Variants in RGS8 observed in about 807,000 individuals in gnomAD.
The protein encoded by RGS8 is regulator of G-protein signaling 8.
In RGS8, 8 loss-of-function variants were observed where a neutral mutation model predicts 21.7. The ratio of observed to expected loss-of-function variants is 0.37; its 90% confidence interval spans 0.22 to 0.66. The LOEUF is 0.66. Ranked by LOEUF, RGS8 falls within the 30% of genes least tolerant of loss-of-function variation. The pLI is 0.59. For synonymous variants in RGS8, 80 were observed against 83.6 expected, an observed-to-expected ratio of 0.96 and a Z score of 0.24; for missense variants, 157 against 217.9, an observed-to-expected ratio of 0.72 and a Z score of 1.76.
At chr1:182,724,223 T>G in the RGS8 span, among the ~76,000 whole-genome samples, 7 of 109,984 alleles carry the variant, frequency 6.4e-5, no homozygotes, top group African/African-American at 2.3e-4. Flanking sequence ...TATATATATA[T>G]ATATATATAT....
chr1:182,724,201 G>GATATATATATAT, the RGS8 span, among the ~76,000 whole-genome samples: 44 of 42,100 alleles, frequency 1.0e-3, no homozygotes, highest in Non-Finnish European at 1.6e-3. Flanking sequence ...GGCTAGACTG[G>GATATATATATAT]ATATATATAT....
the RGS8 span, among the ~76,000 whole-genome samples, chr1:182,696,673 T>G: frequency 7.9e-5 from 12 of 152,350 alleles, no homozygotes; most frequent in African/African-American, 2.9e-4. Flanking sequence ...AAACCTTGGA[T>G]CTGGTGCCCT....
intron 5 of RGS8, among the ~76,000 whole-genome samples, chr1:182,664,701 T>C (rs1663769065): frequency 6.6e-6 from 1 of 152,260 alleles, no homozygotes; most frequent in South Asian, 2.1e-4. Context: ...TGTAGCCATA[T>C]GTTACATATG....
the RGS8 span, among the ~76,000 whole-genome samples, chr1:182,708,150 C>A: frequency 3.9e-5 from 6 of 152,150 alleles, no homozygotes; most frequent in Admixed American, 6.5e-5. Flanking sequence ...CAGCCAAGGA[C>A]GTCTGACCCC....
At chr1:182,659,700 C>T (rs1031486627) in intron 5 of RGS8, among the ~76,000 whole-genome samples, 13 of 152,012 alleles carry the variant, frequency 8.6e-5, no homozygotes, top group Admixed American at 4.6e-4. Flanking sequence ...CTCCGTACCC[C>T]GCCCCCTGGA....
the RGS8 span, among the ~76,000 whole-genome samples, chr1:182,694,508 A>T: frequency 6.6e-6 from 1 of 152,188 alleles, no homozygotes; most frequent in African/African-American, 2.4e-5. Context: ...TAAGAACATT[A>T]AAAAATGCTT....
At chr1:182,723,458 A>G in the RGS8 span, among the ~76,000 whole-genome samples, 1 of 152,232 alleles carries the variant, frequency 6.6e-6, no homozygotes, top group Non-Finnish European at 1.5e-5. Flanking sequence ...TCTCTATGAC[A>G]CAGAAGCTGG....
downstream of RGS8, chr1:182,645,314 C>G (rs1557879084): frequency 1.3e-5 from 2 of 152,254 alleles, no homozygotes; most frequent in African/African-American, 4.8e-5. Flanking sequence ...TAACTCCACT[C>G]TGTTATCCTC....
intron 5 of RGS8, among the ~76,000 whole-genome samples, chr1:182,654,040 AC>A (rs1663148046): frequency 6.6e-6 from 1 of 152,184 alleles, no homozygotes; most frequent in Non-Finnish European, 1.5e-5. Context: ...TTTGCTCAGG[AC>A]TTTACAAAAC....
the RGS8 span, among the ~76,000 whole-genome samples, chr1:182,708,480 T>C: frequency 6.6e-6 from 1 of 152,202 alleles, no homozygotes; most frequent in African/African-American, 2.4e-5. Flanking sequence ...ACCCCTGAGA[T>C]GATATAATGG....
At chr1:182,708,517 A>G in the RGS8 span, among the ~76,000 whole-genome samples, 25 of 152,230 alleles carry the variant, frequency 1.6e-4, no homozygotes, top group East Asian at 9.6e-4. Context: ...GAAGCCATCA[A>G]TGGACTGATA....
chr1:182,680,210 C>A (rs1378763220), intron 1 of RGS8, among the ~76,000 whole-genome samples: 1 of 152,082 alleles, frequency 6.6e-6, no homozygotes, highest in Non-Finnish European at 1.5e-5. Context: ...TTAAGCCCTC[C>A]TACTCTAGGG....
chr1:182,673,011 G>A, upstream of RGS8: 1 of 683,072 alleles, frequency 1.5e-6, no homozygotes, highest in South Asian at 1.7e-5. Context: ...ACAGTAATCA[G>A]CCTTCCAGGT....
At chr1:182,642,139 G>A (rs1662494037), downstream of RGS8, 1 of 152,266 alleles carries the variant, frequency 6.6e-6, no homozygotes, top group South Asian at 2.1e-4. Context: ...GAAGGCCAGT[G>A]GCCCCATCCT....
chr1:182,725,327 C>T, the RGS8 span, among the ~76,000 whole-genome samples: 9 of 152,152 alleles, frequency 5.9e-5, no homozygotes, highest in Non-Finnish European at 1.3e-4. Context: ...TTAAAACAGA[C>T]CCCTAAATAT....
intron 5 of RGS8, among the ~76,000 whole-genome samples, chr1:182,649,405 C>T (rs554445950): frequency 1.2e-4 from 19 of 152,200 alleles, no homozygotes; most frequent in South Asian, 2.1e-4. Context: ...GTTACCTGGA[C>T]GGGGTTGCAA....
chr1:182,717,332 G>C, the RGS8 span, among the ~76,000 whole-genome samples: 1 of 152,186 alleles, frequency 6.6e-6, no homozygotes. Context: ...GAAAGAAGAG[G>C]CTCCTGGAAC....
exon 7 of RGS8, chr1:182,646,791 G>A (rs1287915396): frequency 1.2e-6 from 2 of 1,614,220 alleles, no homozygotes; most frequent in Admixed American, 3.3e-5. Context: ...TTGGACCTCA[G>A]GAACCTGGGG....
chr1:182,667,008 C>T (rs771370719), intron 3 of RGS8, 35 bp from the exon 5 acceptor site: 2 of 1,536,086 alleles, frequency 1.3e-6, no homozygotes, highest in Non-Finnish European at 1.8e-6. Flanking sequence ...GACGGGGAAA[C>T]TCTCATGATC....
Sources: gnomAD v4.1 joint callset for allele counts (sites outside exome capture counted in the v4.1 genomes callset) on GRCh38, gnomAD v4.1.1 for gene constraint, MANE v1.5 for transcripts, NCBI Gene and HGNC (gene_info 2026-07-23, HGNC 2026-07-21) for gene names.